Variants in CLVS1 observed in about 807,000 individuals in gnomAD.
The protein encoded by CLVS1 is clavesin 1.
In CLVS1, 10 loss-of-function variants were observed where a neutral mutation model predicts 33.1. The observed-to-expected ratio is 0.30, with a 90% CI of 0.19 to 0.51. CLVS1 has a LOEUF of 0.51. Among genes scored for constraint, CLVS1 ranks in the 20% least tolerant of loss-of-function variants. The pLI, the probability that CLVS1 is intolerant of heterozygous loss-of-function variation, is 0.97. For missense variants in CLVS1, 343 were observed against 433.4 expected (o/e 0.79, Z 1.85); for synonymous variants, 163 against 166.1 (o/e 0.98, Z 0.14).
At chr8:61,229,844 C>T (rs1353577735) in intron 2 of CLVS1, among the ~76,000 whole-genome samples, 1 of 152,166 alleles carries the variant, frequency 6.6e-6, no homozygotes, top group Non-Finnish European at 1.5e-5. Context: ...TGACCAGGCT[C>T]TCAAACTCCT....
chr8:61,039,689 C>A, the CLVS1 span, among the ~76,000 whole-genome samples: 3 of 149,850 alleles, frequency 2.0e-5, no homozygotes, highest in Non-Finnish European at 4.4e-5. Flanking sequence ...CACAGGCATG[C>A]ACCACCACGC....
chr8:61,362,136 T>A (rs975291805), intron 2 of CLVS1, among the ~76,000 whole-genome samples: 9 of 152,174 alleles, frequency 5.9e-5, no homozygotes, highest in African/African-American at 2.2e-4. Flanking sequence ...TGAGGCCTAC[T>A]CAGGAAAAGG....
intron 5 of CLVS1, among the ~76,000 whole-genome samples, chr8:61,467,956 T>C (rs1454404194): frequency 1.3e-5 from 2 of 152,004 alleles, no homozygotes; most frequent in Non-Finnish European, 2.9e-5. Flanking sequence ...TGAAAGACGC[T>C]GGCTACCGAA....
chr8:61,088,619 G>C (rs1285842454), intron 1 of CLVS1, among the ~76,000 whole-genome samples: 1 of 152,028 alleles, frequency 6.6e-6, no homozygotes, highest in Admixed American at 6.6e-5. Flanking sequence ...GCAAGGGTTT[G>C]CTCAGGGTAT....
chr8:61,346,067 A>C (rs1812210489), intron 2 of CLVS1, among the ~76,000 whole-genome samples: 1 of 152,172 alleles, frequency 6.6e-6, no homozygotes, highest in Non-Finnish European at 1.5e-5. Flanking sequence ...TAAAAGGTAA[A>C]TCTTTGTCCA....
At chr8:61,150,581 C>G (rs1234841585) in intron 2 of CLVS1, among the ~76,000 whole-genome samples, 1 of 152,196 alleles carries the variant, frequency 6.6e-6, no homozygotes, top group African/African-American at 2.4e-5. Context: ...GCTTGGCCCC[C>G]TGCCCACAAT....
the CLVS1 span, among the ~76,000 whole-genome samples, chr8:61,045,526 G>A: frequency 2.6e-5 from 4 of 152,204 alleles, no homozygotes; most frequent in African/African-American, 7.2e-5. Context: ...GCCTCCTAAA[G>A]AAGCAGTTGA....
chr8:61,320,056 A>G (rs1432266416), intron 2 of CLVS1, among the ~76,000 whole-genome samples: 1 of 152,112 alleles, frequency 6.6e-6, no homozygotes, highest in Non-Finnish European at 1.5e-5. Context: ...TTCTTTATGT[A>G]TCCAGCATTT....
chr8:61,214,908 G>T (rs553578190), intron 2 of CLVS1, among the ~76,000 whole-genome samples: 1 of 152,234 alleles, frequency 6.6e-6, no homozygotes, highest in South Asian at 2.1e-4. Flanking sequence ...GCATGTATAG[G>T]ATGGCTCATT....
intron 3 of CLVS1, among the ~76,000 whole-genome samples, chr8:61,451,959 A>G (rs1338978293): frequency 6.6e-6 from 1 of 152,200 alleles, no homozygotes; most frequent in Non-Finnish European, 1.5e-5. Context: ...CTGAATAAAA[A>G]TGATTCTGTT....
intron 3 of CLVS1, among the ~76,000 whole-genome samples, chr8:61,428,779 A>G (rs970755934): frequency 6.6e-6 from 1 of 152,214 alleles, no homozygotes; most frequent in Non-Finnish European, 1.5e-5. Context: ...GAACCTTTGT[A>G]CAAGAAAAGT....
chr8:61,452,826 A>G (rs909179296), intron 3 of CLVS1, among the ~76,000 whole-genome samples: 6 of 152,238 alleles, frequency 3.9e-5, no homozygotes, highest in Non-Finnish European at 7.3e-5. Context: ...TAGGTAGAGG[A>G]AAAAATTATT....
intron 1 of CLVS1, among the ~76,000 whole-genome samples, chr8:61,107,786 A>G (rs1805563822): frequency 6.6e-6 from 1 of 152,172 alleles, no homozygotes. Context: ...CTTTAAAAAT[A>G]TTTCCCTCAT....
chr8:61,151,706 GA>G (rs1456679949), intron 2 of CLVS1, among the ~76,000 whole-genome samples: 2 of 152,170 alleles, frequency 1.3e-5, no homozygotes, highest in Non-Finnish European at 2.9e-5. Flanking sequence ...GTTCAAGAGG[GA>G]CCCTGCTGGT....
intron 3 of CLVS1, among the ~76,000 whole-genome samples, chr8:61,401,821 A>C (rs1436573420): frequency 6.6e-6 from 1 of 152,134 alleles, no homozygotes; most frequent in Non-Finnish European, 1.5e-5. Flanking sequence ...TTCACCTCCT[A>C]ATTGTACTTC....
At position 61,272,268 on chromosome 8, in the gene CLVS1, C is replaced by G. The variant is rs1306701634; in HGVS notation, c.-151-27409C>G. On this transcript the variant is annotated intron_variant, in intron 2 of 2. Transcript: ENST00000522621. ...TCACTTATGAAGCTTAGTTTGGCTG[C>G]ATATGAAATTCTGGGTTGAAAATTC... 8.5e-5 allele frequency among the ~76,000 whole-genome samples: 13 copies of G among 152,118 alleles called. No individual in the cohort carries two copies. The East Asian group carries it at 9.7e-4, about 11-fold the overall frequency.
intron 1 of CLVS1, among the ~76,000 whole-genome samples, chr8:61,297,787 C>A (rs1248379144): frequency 6.6e-6 from 1 of 151,944 alleles, no homozygotes; most frequent in Non-Finnish European, 1.5e-5. Flanking sequence ...GGCTAGGTGA[C>A]AAATCAAGGG....
chr8:61,486,334 T>A (rs1348440052), intron 5 of CLVS1, among the ~76,000 whole-genome samples: 1 of 151,920 alleles, frequency 6.6e-6, no homozygotes, highest in Non-Finnish European at 1.5e-5. Context: ...AATGAAGGAA[T>A]TAATGGGCAA....
chr8:61,450,216 A>T (rs923177896), intron 3 of CLVS1, among the ~76,000 whole-genome samples: 1 of 152,222 alleles, frequency 6.6e-6, no homozygotes, highest in Non-Finnish European at 1.5e-5. Flanking sequence ...TGCACCACCT[A>T]ACTGAGGGTA....
Sources: gnomAD v4.1 joint callset for allele counts (sites outside exome capture counted in the v4.1 genomes callset) on GRCh38, gnomAD v4.1.1 for gene constraint, MANE v1.5 for transcripts, NCBI Gene and HGNC (gene_info 2026-07-23, HGNC 2026-07-21) for gene names.